The following PCSK5 variants were observed in gnomAD, a reference collection of about 807,000 sequenced individuals.
The protein encoded by PCSK5 is proprotein convertase subtilisin/kexin type 5.
In PCSK5, 129 loss-of-function variants were observed where a neutral mutation model predicts 233.2. That is an observed-to-expected ratio of 0.55 (90% CI 0.48 to 0.64). The LOEUF (loss-of-function observed/expected upper bound fraction) is 0.64. Ranked by LOEUF, PCSK5 falls within the 30% of genes least tolerant of loss-of-function variation. The pLI, the probability that PCSK5 is intolerant of heterozygous loss-of-function variation, is 0.00. For synonymous variants in PCSK5, 825 were observed against 879.2 expected (o/e 0.94, Z 1.09); for missense variants, 2,076 against 2,430.1 (o/e 0.85, Z 3.06).
At chr9:75,932,592 C>G in intron 2 of PCSK5, 109 bp downstream of exon 2, 1 of 706,088 alleles carries the variant, frequency 1.4e-6, no homozygotes, top group African/African-American at 1.8e-5. Flanking sequence ...ATTTCTAGAA[C>G]TGTCATATTA....
At chr9:76,113,231 C>T (rs1030297746) in intron 9 of PCSK5, among the ~76,000 whole-genome samples, 2 of 152,100 alleles carry the variant, frequency 1.3e-5, no homozygotes, top group Non-Finnish European at 2.9e-5. Flanking sequence ...TCCCCTCTAC[C>T]TTTTGTCTTT....
intron 3 of PCSK5, among the ~76,000 whole-genome samples, chr9:76,001,027 T>C (rs1827238474): frequency 6.6e-6 from 1 of 152,152 alleles, no homozygotes; most frequent in Non-Finnish European, 1.5e-5. Flanking sequence ...AGCAATGTTT[T>C]TTACATATAA....
At chr9:76,108,627 C>T (rs546827935) in intron 9 of PCSK5, among the ~76,000 whole-genome samples, 17 of 152,284 alleles carry the variant, frequency 1.1e-4, no homozygotes, top group African/African-American at 4.1e-4. Flanking sequence ...GTGGTGGGCA[C>T]CTGTAGTCCC....
intron 2 of PCSK5, among the ~76,000 whole-genome samples, chr9:75,953,714 A>G (rs1824970860): frequency 6.6e-6 from 1 of 151,808 alleles, no homozygotes; most frequent in African/African-American, 2.4e-5. Flanking sequence ...AAAATATCGT[A>G]TTTGCTTTAC....
intron 35 of PCSK5, among the ~76,000 whole-genome samples, chr9:76,339,376 A>G (rs907128146): frequency 2.6e-5 from 4 of 152,186 alleles, no homozygotes; most frequent in Admixed American, 2.0e-4. Flanking sequence ...ATTTTTTAAA[A>G]ATCTTTCATT....
rs778522255 is a variant in PCSK5, at chr9:76,181,438, G to A, written c.2044G>A (p.Asp682Asn). Residue 682 changes from aspartate (D) to asparagine (N), a missense_variant, in exon 16 of 38, where the codon GAC becomes AAC. Asp to Asn is a conservative substitution (Grantham distance 23). Transcript: ENST00000674117. ...SSCPPGHYHA[D>N]KKRCRKCAPN... ...CTGCCCCCCTGGCCACTACCACGCC[G>A]ACAAGAAGCGCTGCAGGAAGTGTGC... The A allele has an allele frequency of 7.4e-6, 12 of 1,613,814 alleles. No individual in the cohort carries two copies. Among genetic ancestry groups the A allele is most frequent in the African/African-American group, 1.3e-5 (1 of 74,898 alleles).
chr9:76,285,575 T>C (rs1185673623), intron 24 of PCSK5, among the ~76,000 whole-genome samples: 2 of 152,052 alleles, frequency 1.3e-5, no homozygotes, highest in Admixed American at 1.3e-4. Flanking sequence ...CTGGCTTGCA[T>C]GGGGTATGAA....
intron 3 of PCSK5, among the ~76,000 whole-genome samples, chr9:75,993,443 A>G (rs1174515574): frequency 6.6e-6 from 1 of 152,232 alleles, no homozygotes; most frequent in African/African-American, 2.4e-5. Flanking sequence ...TTAGTTCTAC[A>G]TGGCTAGTTG....
intron 12 of PCSK5, among the ~76,000 whole-genome samples, chr9:76,159,414 T>G (rs564624017): frequency 6.6e-6 from 1 of 152,302 alleles, no homozygotes; most frequent in South Asian, 2.1e-4. Flanking sequence ...TGAAGGCCAC[T>G]TGTTCTTGAT....
intron 2 of PCSK5, among the ~76,000 whole-genome samples, chr9:75,975,679 A>AT (rs1825985822): frequency 2.6e-5 from 4 of 152,348 alleles, no homozygotes; most frequent in African/African-American, 9.6e-5. Context: ...ACAAAAACCC[A>AT]TTAAGTGATT....
At chr9:76,068,815 C>T (rs961272687) in intron 6 of PCSK5, among the ~76,000 whole-genome samples, 6 of 152,096 alleles carry the variant, frequency 3.9e-5, no homozygotes, top group Admixed American at 1.3e-4. Flanking sequence ...TGAAGGTATT[C>T]CCTAGGGGTC....
rs1828633100 is a variant in PCSK5, at chr9:76,302,202, G to A, written c.3589G>A (p.Val1197Ile). 2 of 1,352,548 alleles carry A rather than the reference G, an allele frequency of 1.5e-6. No individual in the cohort carries two copies. The highest frequency in any genetic ancestry group is 2.3e-5 in the South Asian group (2 of 86,012). 83.8% of individuals were successfully genotyped at this position (1,352,548 alleles called of 1,614,324 possible). The change falls in exon 28 of 38, where the codon GTT becomes ATT. Residue 1197 changes from valine to isoleucine, a missense_variant. Coordinates refer to ENST00000674117, the MANE Select transcript of PCSK5 (RefSeq NM_001372043.1). ...SLLQERRRWK[V>I]QIKRDILRKL... Reference sequence around the variant, plus strand: ...GCTGCAGGAGCGACGAAGGTGGAAAGTTCAAATCAAAAGAGGTAACAGGGA... The same window carrying A: ...GCTGCAGGAGCGACGAAGGTGGAAAATTCAAATCAAAAGAGGTAACAGGGA...
At chr9:76,292,335 T>TA in intron 25 of PCSK5, 60 bp downstream of exon 25, 1 of 1,044,552 alleles carries the variant, frequency 9.6e-7, no homozygotes, top group Non-Finnish European at 1.5e-6. Context: ...ATTACTGACA[T>TA]AATCCTCAAT....
At chr9:76,341,117 C>G (rs1303239878) in intron 35 of PCSK5, among the ~76,000 whole-genome samples, 2 of 151,292 alleles carry the variant, frequency 1.3e-5, no homozygotes, top group African/African-American at 4.9e-5. Context: ...CCCAGCTACT[C>G]AGGAGGCTGA....
At chr9:75,948,641 A>G (rs1166379743) in intron 2 of PCSK5, among the ~76,000 whole-genome samples, 1 of 152,108 alleles carries the variant, frequency 6.6e-6, no homozygotes, top group Non-Finnish European at 1.5e-5. Flanking sequence ...GTGTCTTTAT[A>G]GTAGCATGAT....
chr9:76,041,843 GAA>G (rs66491707), intron 5 of PCSK5, among the ~76,000 whole-genome samples: 9 of 131,028 alleles, frequency 6.9e-5, no homozygotes, highest in Admixed American at 1.6e-4. Flanking sequence ...TGTCTCAAGG[GAA>G]AAAAAAAAAA....
intron 15 of PCSK5, among the ~76,000 whole-genome samples, chr9:76,181,120 C>T (rs1823852450): frequency 2.6e-5 from 4 of 152,200 alleles, no homozygotes; most frequent in Admixed American, 2.6e-4. Context: ...TAACCTTCCT[C>T]TCTGTAACCA....
chr9:76,121,985 G>A lies in PCSK5; in HGVS notation c.1209-12124G>A, dbSNP rs1393242670. ...ACTACAGGCGCCCGCCACTACGCCC[G>A]GCTAATTTTTTGTATTTTTAGTAGA... On this transcript the variant is annotated intron_variant, in intron 9 of 37. Coordinates refer to ENST00000674117, the MANE Select transcript of PCSK5 (RefSeq NM_001372043.1). 2.9e-5 allele frequency among the ~76,000 whole-genome samples: 3 copies of A among 104,806 alleles called. 1 individual carries two copies. The highest frequency in any genetic ancestry group is 6.5e-5 in the Non-Finnish European group (3 of 46,006). 68.8% of individuals were successfully genotyped at this position (104,806 alleles called of 152,430 possible). A position where few individuals can be genotyped will look rare whatever the true frequency, so the allele number is the denominator to read the frequency against.
intron 24 of PCSK5, among the ~76,000 whole-genome samples, chr9:76,265,276 G>A (rs1190213070): frequency 6.6e-6 from 1 of 151,962 alleles, no homozygotes; most frequent in East Asian, 1.9e-4. Context: ...GAGGGAGGGG[G>A]AGGCGGGTTG....
Sources: gnomAD v4.1 joint callset for allele counts (sites outside exome capture counted in the v4.1 genomes callset) on GRCh38, gnomAD v4.1.1 for gene constraint, MANE v1.5 for transcripts, NCBI Gene and HGNC (gene_info 2026-07-23, HGNC 2026-07-21) for gene names.